The following NAXD variants were observed in gnomAD, a reference collection of about 807,000 sequenced individuals.
The protein encoded by NAXD is NAD(P)HX dehydratase.
Under a neutral mutation model 35.8 loss-of-function variants are expected in NAXD, and 22 were observed. The ratio of observed to expected loss-of-function variants is 0.62; its 90% confidence interval spans 0.44 to 0.88. NAXD has a LOEUF of 0.88. Among genes scored for constraint, NAXD ranks in the 40% least tolerant of loss-of-function variants. The probability of loss-of-function intolerance (pLI) is 0.00; values close to 1 mark genes in which losing one functional copy is unlikely to be tolerated. For missense variants in NAXD, 428 were observed against 437.7 expected, an observed-to-expected ratio of 0.98 and a Z score of 0.20; for synonymous variants, 189 against 177.6, an observed-to-expected ratio of 1.06 and a Z score of -0.51.
rs995129999 is a variant in NAXD at position 110,638,158 on chromosome 13, T to C, written c.840-220T>C. 9 of 1,356,432 alleles carry C rather than the reference T, an allele frequency of 6.6e-6. No individual in the cohort carries two copies. The highest frequency in any genetic ancestry group is 4.5e-4 in the Middle Eastern group (2 of 4,402). 84.0% of individuals were successfully genotyped at this position (1,356,432 alleles called of 1,614,324 possible). Reference sequence around the variant, plus strand: ...AGCCCTGGACCTGTCTCCGAGTACATAGACGTTTCCTGTGTGCCTCCTGCC... The same window carrying C: ...AGCCCTGGACCTGTCTCCGAGTACACAGACGTTTCCTGTGTGCCTCCTGCC... On this transcript the variant is annotated intron_variant, in intron 9 of 9. Coordinates refer to ENST00000680254, the MANE Select transcript of NAXD (RefSeq NM_001242882.2). This position sits in a 1 kb window ranked among gnomAD's most constrained non-coding sequence, Gnocchi z 5.4.
At chr13:110,620,078 G>A (rs1045940227) in intron 1 of NAXD, among the ~76,000 whole-genome samples, 19 of 151,780 alleles carry the variant, frequency 1.3e-4, no homozygotes, top group African/African-American at 3.9e-4. Flanking sequence ...AGATTACAGC[G>A]GGGAGCCACT....
At chr13:110,619,171 A>G (rs11841651) in intron 1 of NAXD, among the ~76,000 whole-genome samples, 7,074 of 152,280 alleles carry the variant, frequency 0.046, 373 homozygotes, top group African/African-American at 0.13. Context: ...CAAAGTGCAA[A>G]TGGGTAGTTC....
chr13:110,633,163 G>A (rs905792311), intron 5 of NAXD, among the ~76,000 whole-genome samples: 11 of 152,206 alleles, frequency 7.2e-5, no homozygotes, highest in Admixed American at 4.6e-4. Flanking sequence ...TGCAGGTCCC[G>A]AGCCCTGCCC....
intron 5 of NAXD, among the ~76,000 whole-genome samples, chr13:110,630,429 T>C (rs1019232560): frequency 1.3e-5 from 2 of 152,224 alleles, no homozygotes; most frequent in African/African-American, 4.8e-5. Flanking sequence ...GTTCTTCATA[T>C]ACGTTCTAGA....
At chr13:110,622,701 T>C (rs988183611) in intron 2 of NAXD, among the ~76,000 whole-genome samples, 1 of 152,218 alleles carries the variant, frequency 6.6e-6, no homozygotes, top group Non-Finnish European at 1.5e-5. Flanking sequence ...CTCAGCAACC[T>C]CTTGGTTTAC....
chr13:110,637,277 T>C, intron 9 of NAXD, 28 bp downstream of exon 9: 1 of 1,613,270 alleles, frequency 6.2e-7, no homozygotes, highest in African/African-American at 1.3e-5. Flanking sequence ...TTTATTCTAC[T>C]TTGAAACCGT....
intron 5 of NAXD, among the ~76,000 whole-genome samples, chr13:110,634,019 TG>T (rs1886823176): frequency 6.6e-6 from 1 of 152,236 alleles, no homozygotes; most frequent in African/African-American, 2.4e-5. Flanking sequence ...GCCCAGCTGT[TG>T]TTCATAGCGT....
intron 5 of NAXD, among the ~76,000 whole-genome samples, chr13:110,631,798 C>T (rs1365554903): frequency 6.6e-6 from 1 of 152,162 alleles, no homozygotes; most frequent in Non-Finnish European, 1.5e-5. Flanking sequence ...GTACCTGCCT[C>T]CCTGGAAGGG....
intron 2 of NAXD, among the ~76,000 whole-genome samples, chr13:110,623,590 C>T (rs969049970): frequency 6.6e-6 from 1 of 152,264 alleles, no homozygotes. Flanking sequence ...TCACTTTCTT[C>T]TCTCCAGGCA....
intron 1 of NAXD, among the ~76,000 whole-genome samples, chr13:110,619,358 G>T (rs1443203630): frequency 6.6e-6 from 1 of 152,036 alleles, no homozygotes; most frequent in Non-Finnish European, 1.5e-5. Context: ...TTATCTGGTG[G>T]AACCATTTTA....
chr13:110,615,570 C>A lies in NAXD; in HGVS notation c.-32C>A. ...AATGGCTGTGTTTCCGGCGACGGCG[C>A]GGGGGCAGCTGGGAATCCGGAATGC... is the stretch of plus-strand genomic sequence containing the variant. On this transcript the variant is annotated 5_prime_UTR_variant, in exon 1 of 10. Coordinates refer to ENST00000680254, the MANE Select transcript of NAXD (RefSeq NM_001242882.2). 3.0e-6 allele frequency: 4 copies of A among 1,337,142 alleles called. No homozygotes were observed. Among genetic ancestry groups the A allele is most frequent in the East Asian group, 3.1e-5 (1 of 32,066 alleles). The allele number at this position is 1,337,142 out of a possible 1,614,324, so 82.8% of individuals were successfully genotyped here. A position where few individuals can be genotyped will look rare whatever the true frequency, so the allele number is the denominator to read the frequency against.
chr13:110,626,535 G>A (rs1244498494), intron 4 of NAXD, among the ~76,000 whole-genome samples: 1 of 150,512 alleles, frequency 6.6e-6, no homozygotes, highest in Admixed American at 6.6e-5. Flanking sequence ...GCTGGAAGAC[G>A]AGGGAGTAAG....
rs773887880 is a variant in NAXD, at chr13:110,622,219, TAGAA to T, written c.54_57del (p.Ala20PhefsTer9). On this transcript the variant is annotated frameshift_variant, in exon 2 of 10. Coordinates refer to ENST00000680254, the MANE Select transcript of NAXD (RefSeq NM_001242882.2). LOFTEE classifies it high-confidence loss of function. ...ATTCATTTTTCTTGTCTTTCAGTTT[TAGAA>T]AGAGCGTTTTCGCTACGTAAAGCAC... The T allele has an allele frequency of 9.4e-5, 152 of 1,611,596 alleles. No homozygotes were observed. Among genetic ancestry groups the T allele is most frequent in the Non-Finnish European group, 1.2e-4 (136 of 1,178,644 alleles).
chr13:110,637,363 C>G, intron 9 of NAXD, 114 bp downstream of exon 9: 1 of 1,265,222 alleles, frequency 7.9e-7, no homozygotes, highest in Non-Finnish European at 1.1e-6. Context: ...GAACTCTAGG[C>G]TTCACTGGAG....
intron 5 of NAXD, among the ~76,000 whole-genome samples, chr13:110,630,794 A>G (rs1446904693): frequency 6.6e-6 from 1 of 152,018 alleles, no homozygotes; most frequent in African/African-American, 2.4e-5. Context: ...CCAACTTGTC[A>G]TCCTCCCTGA....
chr13:110,625,430 C>T (rs900721726), intron 4 of NAXD, 152 bp downstream of exon 4: 7 of 639,640 alleles, frequency 1.1e-5, no homozygotes, highest in South Asian at 3.7e-5. Flanking sequence ...TGAAGGAGCC[C>T]GTTCTTCTGG....
intron 4 of NAXD, 61 bp from the exon 5 acceptor site, chr13:110,627,378 C>A: frequency 9.7e-7 from 1 of 1,029,006 alleles, no homozygotes; most frequent in Non-Finnish European, 1.5e-6. Context: ...TAAACAAATA[C>A]ATGACAGTAA....
rs769055131 is a variant in NAXD, at chr13:110,638,623, G to A, written c.*95G>A. The A allele has an allele frequency of 1.8e-5, 25 of 1,374,280 alleles. No individual in the cohort carries two copies. Among genetic ancestry groups the A allele is most frequent in the South Asian group, 5.8e-5 (5 of 85,524 alleles). The allele number at this position is 1,374,280 out of a possible 1,614,324, so 85.1% of individuals were successfully genotyped here. A position where few individuals can be genotyped will look rare whatever the true frequency, so the allele number is the denominator to read the frequency against. Reference sequence around the variant, plus strand: ...ACCCACGCGTGTGCTGAAGGCGTACGGTGCTTGCCAGATTTTCAACTTGAG... The same window carrying A: ...ACCCACGCGTGTGCTGAAGGCGTACAGTGCTTGCCAGATTTTCAACTTGAG... On this transcript the variant is annotated 3_prime_UTR_variant, in exon 10 of 10. Coordinates refer to ENST00000680254, the MANE Select transcript of NAXD (RefSeq NM_001242882.2). The surrounding 1 kb of genome is among the most constrained non-coding windows in gnomAD (Gnocchi z 5.4).
rs1243233079 is a variant in NAXD, at chr13:110,638,775, G to GGT, written c.*248_*249dup. On this transcript the variant is annotated 3_prime_UTR_variant, in exon 10 of 10. Transcript: ENST00000680254. The surrounding 1 kb of genome is among the most constrained non-coding windows in gnomAD (Gnocchi z 5.4). ...ATTCCTGAACTTTCCTTAGCTCCTT[G>GGT]GTAGTAACTGGGAAGACAGAAATGA... The GGT allele has an allele frequency of 1.5e-6, 1 of 661,814 alleles. No homozygotes were observed. The highest frequency in any genetic ancestry group is 2.8e-6 in the Non-Finnish European group (1 of 359,982). 41.0% of individuals were successfully genotyped at this position (661,814 alleles called of 1,614,324 possible).
Sources: gnomAD v4.1 joint callset for allele counts (sites outside exome capture counted in the v4.1 genomes callset) on GRCh38, gnomAD v4.1.1 for gene constraint, Gnocchi (gnomAD v3.1) non-coding constraint, MANE v1.5 for transcripts, NCBI Gene and HGNC (gene_info 2026-07-23, HGNC 2026-07-21) for gene names.